SUSD2: variants seen among roughly 807,000 people sequenced by gnomAD.
The protein encoded by SUSD2 is sushi domain-containing protein 2.
A neutral mutation model predicts 93.8 loss-of-function variants in SUSD2; 86 were observed. The observed-to-expected ratio is 0.92, with a 90% CI of 0.77 to 1.10. The LOEUF (loss-of-function observed/expected upper bound fraction) is 1.10. Among genes scored for constraint, SUSD2 ranks in the 50% least tolerant of loss-of-function variants. The pLI is 0.00. For missense variants in SUSD2, 1,060 were observed against 1,137.0 expected (o/e 0.93, Z 0.97); for synonymous variants, 483 against 485.0 (o/e 1.00, Z 0.05).
chr22:24,185,854 T>C lies in SUSD2; in HGVS notation c.1264T>C (p.Trp422Arg), dbSNP rs763178698. The C allele has an allele frequency of 6.2e-7, 1 of 1,602,310 alleles. No homozygotes were observed. The highest frequency in any genetic ancestry group is 1.1e-5 in the South Asian group (1 of 89,658). The change falls in exon 8 of 15, where the codon TGG becomes CGG. Residue 422 changes from tryptophan (W) to arginine (R), a missense_variant. This residue lies in a region of SUSD2 where 973 missense variants were observed against 1,005.3 expected (regional missense o/e 0.97). Coordinates refer to ENST00000358321, the MANE Select transcript of SUSD2 (RefSeq NM_019601.4). ...DVLSFYYCCL[W>R]APDCPRYMQR... ...CCTCAGCTTCTATTACTGCTGCCTCTGGGCACCCGACTGCCCCCGCTACAT... is the reference window on the plus strand; with the variant it reads ...CCTCAGCTTCTATTACTGCTGCCTCCGGGCACCCGACTGCCCCCGCTACAT...
chr22:24,187,929 C>A (rs1206903419), intron 12 of SUSD2, 30 bp from the exon 13 acceptor site: 2 of 1,610,710 alleles, frequency 1.2e-6, no homozygotes, highest in Admixed American at 3.3e-5. Flanking sequence ...GCAGCTCAGG[C>A]CTGTTGTCTG....
chr22:24,188,557 T>A lies in SUSD2; in HGVS notation c.*121T>A. 3 of 940,758 alleles carry A rather than the reference T, an allele frequency of 3.2e-6. No individual in the cohort carries two copies. The highest frequency in any genetic ancestry group is 4.9e-6 in the Non-Finnish European group (3 of 615,392). The allele number at this position is 940,758 out of a possible 1,614,324, so 58.3% of individuals were successfully genotyped here. On this transcript the variant is annotated 3_prime_UTR_variant, in exon 15 of 15. Transcript: ENST00000358321. The surrounding 1 kb of genome is among the most constrained non-coding windows in gnomAD (Gnocchi z 4.7). ...CCTGGATACTTGATACCTGGGCATT[T>A]AACCCCCTACTCTGTCATCTCAGAC... is the stretch of plus-strand genomic sequence containing the variant.
rs2047389044 is a variant in SUSD2, at chr22:24,189,036, C to G, written c.*600C>G. The G allele has an allele frequency of 6.6e-6, 1 of 152,588 alleles. No homozygotes were observed. Among genetic ancestry groups the G allele is most frequent in the South Asian group, 2.1e-4 (1 of 4,832 alleles). 9.5% of individuals were successfully genotyped at this position (152,588 alleles called of 1,614,324 possible). A position where few individuals can be genotyped will look rare whatever the true frequency, so the allele number is the denominator to read the frequency against. On this transcript the variant is annotated 3_prime_UTR_variant, in exon 15 of 15. Coordinates refer to ENST00000358321, the MANE Select transcript of SUSD2 (RefSeq NM_019601.4). ...GGCACTCCAGGCTTATAATTTCGAA[C>G]TCTTCTGGAAGGTCACTCAGGAACA...
chr22:24,187,070 C>T (rs34083847), intron 10 of SUSD2, 132 bp from the exon 11 acceptor site: 43,666 of 1,256,164 alleles, frequency 0.035, 1,930 homozygotes, highest in African/African-American at 0.21. Flanking sequence ...GAATTGGCCC[C>T]GGGAACGCCC....
Position 24,188,187 on chromosome 22 carries a change from C to G in SUSD2, c.2342-38C>G. On this transcript the variant is annotated intron_variant, in intron 13 of 14. Coordinates refer to ENST00000358321, the MANE Select transcript of SUSD2 (RefSeq NM_019601.4). The surrounding 1 kb of genome is among the most constrained non-coding windows in gnomAD (Gnocchi z 4.7). The stretch of plus-strand genomic sequence containing the variant: ...CCTGCACCTGTCCCCACTCACCACC[C>G]CAGAGAGCCCCCTCACTGACACTCG... The G allele has an allele frequency of 6.3e-7, 1 of 1,591,940 alleles. No homozygotes were observed. The highest frequency in any genetic ancestry group is 1.1e-5 in the South Asian group (1 of 88,620).
Position 24,183,179 on chromosome 22 carries a change from C to T in SUSD2, c.199C>T (p.Pro67Ser). Residue 67 changes from proline (P) to serine (S), a missense_variant, in exon 2 of 15, where the codon CCC becomes TCC. Physicochemically the swap from Pro to Ser is moderately conservative, Grantham distance 74. This residue lies in a region of SUSD2 where 87 missense variants were observed against 131.6 expected (regional missense o/e 0.66). Transcript: ENST00000358321. ...CCGGGACTTCTGCCTGGAGATATTG[C>T]CCTACTCAGGATCCATGATGGGCGG... ...DFRDFCLEIL[P>S]YSGSMMGGKD... 6.2e-7 allele frequency: 1 copy of T among 1,614,018 alleles called. No homozygotes were observed. The highest frequency in any genetic ancestry group is 8.5e-7 in the Non-Finnish European group (1 of 1,179,880).
rs1363857730 is a variant in SUSD2 at position 24,185,074 on chromosome 22, C to T, written c.783-20C>T. The T allele has an allele frequency of 6.2e-7, 1 of 1,612,722 alleles. No individual in the cohort carries two copies. Among genetic ancestry groups the T allele is most frequent in the Non-Finnish European group, 8.5e-7 (1 of 1,179,602 alleles). ...GGGGTGGTGTGGGCTGGCCCAGCTC[C>T]AGCATCATCACCTCCACAGGGACGT... On this transcript the variant is annotated intron_variant, in intron 5 of 14. Transcript: ENST00000358321.
At chr22:24,182,126 C>T (rs890994305) in intron 1 of SUSD2, among the ~76,000 whole-genome samples, 3 of 152,266 alleles carry the variant, frequency 2.0e-5, no homozygotes, top group Admixed American at 2.0e-4. Flanking sequence ...GTGCCAGGCA[C>T]TGCACTTGGT....
rs759245356 is a variant in SUSD2, at chr22:24,188,362, G to C, written c.2444+35G>C. On this transcript the variant is annotated intron_variant, in intron 14 of 14. Transcript: ENST00000358321. This position sits in a 1 kb window ranked among gnomAD's most constrained non-coding sequence, Gnocchi z 4.7. ...CCCAGCCCCTCTCCCAAGACCCCGA[G>C]ACAGCCGGTGGGACCACCGAGGCTA... The C allele has an allele frequency of 1.2e-5, 20 of 1,610,364 alleles. No homozygotes were observed. The highest frequency in any genetic ancestry group is 1.2e-5 in the Non-Finnish European group (14 of 1,179,572).
At position 24,183,138 on chromosome 22, in the gene SUSD2, C is replaced by A. The variant is rs571637271; in HGVS notation, c.158C>A (p.Thr53Asn). ...SCHPTCSGLG[T>N]CCLDFRDFCL... ...CACCCGACGTGCTCTGGCCTTGGCA[C>A]CTGCTGCTTGGATTTCCGGGACTTC... The change falls in exon 2 of 15, where the codon ACC becomes AAC. Residue 53 changes from threonine (T) to asparagine (N), a missense_variant. By Grantham distance (65) the Thr-to-Asn change is moderately conservative. Around this residue, in one of 2 missense-constraint regions of SUSD2, gnomAD observed 87 missense variants for 131.6 expected, o/e 0.66. Coordinates refer to ENST00000358321, the MANE Select transcript of SUSD2 (RefSeq NM_019601.4). The A allele has an allele frequency of 1.2e-6, 2 of 1,613,938 alleles. No individual in the cohort carries two copies. The highest frequency in any genetic ancestry group is 1.7e-6 in the Non-Finnish European group (2 of 1,179,896).
chr22:24,183,615 C>T lies in SUSD2; in HGVS notation c.408C>T (p.His136=), dbSNP rs754162243. ...TCACTGTGTCACTGGACAACGGCCA[C>T]TCCTTCCCTCGTGCGGGCACCTGGC... ...IPFTVSLDNG[H]SFPRAGTWLA... is the part of the protein sequence containing the mutation. Residue 136 remains histidine, a synonymous_variant, in exon 3 of 15, where the codon CAC becomes CAT. Coordinates refer to ENST00000358321, the MANE Select transcript of SUSD2 (RefSeq NM_019601.4). 8.1e-6 allele frequency: 13 copies of T among 1,612,748 alleles called. No homozygotes were observed. The South Asian group carries it at 1.3e-4, about 16-fold the overall frequency.
At position 24,187,668 on chromosome 22, in the gene SUSD2, C is replaced by G; in HGVS notation, c.1989C>G (p.Pro663=). The G allele has an allele frequency of 6.2e-7, 1 of 1,614,104 alleles. No individual in the cohort carries two copies. The highest frequency in any genetic ancestry group is 8.5e-7 in the Non-Finnish European group (1 of 1,180,020). ...YQPKHDPTFE[P]LFPSETTLNP... is the part of the protein sequence containing the mutation. ...CCAAGCACGACCCCACCTTCGAGCC[C>G]CTCTTCCCCAGTGAGACCACCCTCA... Residue 663 remains proline, a synonymous_variant, in exon 12 of 15, where the codon CCC becomes CCG. Transcript: ENST00000358321.
chr22:24,181,585 A>G lies in SUSD2; in HGVS notation c.66A>G (p.Gly22=). 6.3e-7 allele frequency: 1 copy of G among 1,598,712 alleles called. No homozygotes were observed. The highest frequency in any genetic ancestry group is 8.5e-7 in the Non-Finnish European group (1 of 1,174,402). Residue 22 remains glycine (G), a synonymous_variant, in exon 1 of 15, where the codon GGA becomes GGG. Coordinates refer to ENST00000358321, the MANE Select transcript of SUSD2 (RefSeq NM_019601.4). ...LLATALGPGP[G]PTADAQESCS... ...CGACAGCCCTCGGCCCGGGCCCCGGACCCACAGCAGGTATGCCTCCCTGCC... is the reference window on the plus strand; with the variant it reads ...CGACAGCCCTCGGCCCGGGCCCCGGGCCCACAGCAGGTATGCCTCCCTGCC...
rs2047332096 is a variant in SUSD2 at position 24,182,670 on chromosome 22, C to T, written c.77-387C>T. The T allele has an allele frequency of 1.4e-5, 3 of 214,036 alleles. No homozygotes were observed. The South Asian group carries it at 2.6e-4, about 18-fold the overall frequency. 13.3% of individuals were successfully genotyped at this position (214,036 alleles called of 1,614,324 possible). ...TGCTGACCACAGACACCCTGGGGAG[C>T]CAAGAGAGGTCGAGGGCTCCAGCTA... On this transcript the variant is annotated intron_variant, in intron 1 of 14. Coordinates refer to ENST00000358321, the MANE Select transcript of SUSD2 (RefSeq NM_019601.4).
chr22:24,185,949 C>T lies in SUSD2; in HGVS notation c.1339+20C>T, dbSNP rs1262743036. ...GACTGGGTGGGTGCCATCCCGTGCC[C>T]CAGACCCTGGGAAAGATCGGGCTGG... On this transcript the variant is annotated intron_variant, in intron 8 of 14. Coordinates refer to ENST00000358321, the MANE Select transcript of SUSD2 (RefSeq NM_019601.4). The T allele has an allele frequency of 1.3e-6, 2 of 1,571,334 alleles. No individual in the cohort carries two copies. Among genetic ancestry groups the T allele is most frequent in the Non-Finnish European group, 1.7e-6 (2 of 1,154,488 alleles).
rs373969257 is a variant in SUSD2, at chr22:24,188,010, A to G, written c.2216A>G (p.Asn739Ser). The G allele has an allele frequency of 1.9e-6, 3 of 1,612,900 alleles. No individual in the cohort carries two copies. In the African/African-American group the frequency reaches 4.0e-5, roughly 22 times the overall value. Reference protein sequence around the residue: ...APPPNGQKEGNRYLAGSTIYF... With the variant: ...APPPNGQKEGSRYLAGSTIYF... The stretch of plus-strand genomic sequence containing the variant: ...CCTCCCAACGGACAAAAGGAGGGCA[A>G]CAGGTACCTGGCGGGTTCCACCATC... The change falls in exon 13 of 15, where the codon AAC becomes AGC. Residue 739 changes from asparagine (N) to serine (S), a missense_variant. Asn to Ser is a conservative substitution (Grantham distance 46). Around this residue, in one of 2 missense-constraint regions of SUSD2, gnomAD observed 973 missense variants for 1,005.3 expected, o/e 0.97. Coordinates refer to ENST00000358321, the MANE Select transcript of SUSD2 (RefSeq NM_019601.4). This position sits in a 1 kb window ranked among gnomAD's most constrained non-coding sequence, Gnocchi z 4.7.
rs76568713 is a variant in SUSD2 at position 24,186,132 on chromosome 22, C to T, written c.1456C>T (p.Arg486Trp). ...AALTDLRVQA[R>W]AQPGTMSNGT... ...GCTGACCGACCTGAGGGTGCAGGCG[C>T]GGGCCCAGCCCGGGACGATGTCCAA... Residue 486 changes from arginine to tryptophan, a missense_variant, in exon 9 of 15, where the codon CGG becomes TGG. Around this residue, in one of 2 missense-constraint regions of SUSD2, gnomAD observed 973 missense variants for 1,005.3 expected, o/e 0.97. Transcript: ENST00000358321. 25 of 1,611,048 alleles carry T rather than the reference C, an allele frequency of 1.6e-5. No individual in the cohort carries two copies. Among genetic ancestry groups the T allele is most frequent in the African/African-American group, 1.1e-4 (8 of 74,906 alleles).
rs1326924836 is a variant in SUSD2, at chr22:24,181,509, C to T, written c.-11C>T. 6.4e-7 allele frequency: 1 copy of T among 1,563,590 alleles called. No homozygotes were observed. The highest frequency in any genetic ancestry group is 8.6e-7 in the Non-Finnish European group (1 of 1,158,406). On this transcript the variant is annotated 5_prime_UTR_variant, in exon 1 of 15. Coordinates refer to ENST00000358321, the MANE Select transcript of SUSD2 (RefSeq NM_019601.4). ...GCCACTGCACTGCTGGCTGCAGACA[C>T]AGGCTGCACCATGAAGCCAGCCCTC...
chr22:24,186,242 C>T lies in SUSD2; in HGVS notation c.1484-15C>T, dbSNP rs1451298869. 1.2e-6 allele frequency: 2 copies of T among 1,612,410 alleles called. No individual in the cohort carries two copies. The highest frequency in any genetic ancestry group is 2.2e-5 in the South Asian group (2 of 90,984). On this transcript the variant is annotated splice_polypyrimidine_tract_variant and intron_variant, in intron 9 of 14. Transcript: ENST00000358321. Reference sequence around the variant, plus strand: ...CTGGAGCCAAGTGGCTCCCGTTCTGCTCCCACCACCGCAGGCACGGAGACC... The same window carrying T: ...CTGGAGCCAAGTGGCTCCCGTTCTGTTCCCACCACCGCAGGCACGGAGACC...
Sources: gnomAD v4.1 joint callset for allele counts (sites outside exome capture counted in the v4.1 genomes callset) on GRCh38, gnomAD v4.1.1 for gene constraint, gnomAD v4.1.1 regional missense constraint, Gnocchi (gnomAD v3.1) non-coding constraint, MANE v1.5 for transcripts, NCBI Gene and HGNC (gene_info 2026-07-23, HGNC 2026-07-21) for gene names.